Variants in PEBP4 observed in about 807,000 individuals in gnomAD.
The protein encoded by PEBP4 is phosphatidylethanolamine-binding protein 4.
PEBP4 carries 22 observed loss-of-function variants against 23.9 expected under a neutral mutation model. That is an observed-to-expected ratio of 0.92 (90% CI 0.66 to 1.31). The LOEUF (loss-of-function observed/expected upper bound fraction) is 1.31, where lower values mean the gene tolerates loss of function less well. PEBP4 is among the 40% of genes most tolerant of loss of function. The pLI is 0.00. For missense variants in PEBP4, 324 were observed against 281.7 expected, an observed-to-expected ratio of 1.15 and a Z score of -1.07; for synonymous variants, 112 against 99.3, an observed-to-expected ratio of 1.13 and a Z score of -0.76.
At chr8:22,920,390 T>TTGGGAATGTAAG (rs1365497214) in intron 2 of PEBP4, 80 bp from the exon 3 acceptor site, 1 of 1,453,570 alleles carries the variant, frequency 6.9e-7, no homozygotes, top group East Asian at 2.3e-5. Flanking sequence ...TCTAGCACTA[T>TTGGGAATGTAAG]TGGGAATGTA....
intron 4 of PEBP4, among the ~76,000 whole-genome samples, chr8:22,803,271 G>A (rs907739957): frequency 2.6e-5 from 4 of 152,156 alleles, no homozygotes; most frequent in East Asian, 3.9e-4. Context: ...AGACACAGCA[G>A]CCCTTTGGCT....
chr8:22,735,343 A>T (rs979067892), intron 4 of PEBP4, among the ~76,000 whole-genome samples: 1 of 152,186 alleles, frequency 6.6e-6, no homozygotes, highest in South Asian at 2.1e-4. Flanking sequence ...GCCTTGAAGG[A>T]TATATAGGAG....
At chr8:22,804,437 C>T (rs1469260004) in intron 4 of PEBP4, among the ~76,000 whole-genome samples, 2 of 152,168 alleles carry the variant, frequency 1.3e-5, no homozygotes, top group Admixed American at 6.5e-5. Flanking sequence ...CGGACATTGG[C>T]GGTTCTCAAC....
chr8:22,860,692 G>T (rs778317998), intron 3 of PEBP4, among the ~76,000 whole-genome samples: 4 of 152,174 alleles, frequency 2.6e-5, no homozygotes, highest in Non-Finnish European at 5.9e-5. Flanking sequence ...TACGTACTCC[G>T]TGGAGCTTTC....
At chr8:22,871,250 A>G (rs1808001036) in intron 3 of PEBP4, among the ~76,000 whole-genome samples, 1 of 152,182 alleles carries the variant, frequency 6.6e-6, no homozygotes, top group Non-Finnish European at 1.5e-5. Flanking sequence ...CTCTGACAGC[A>G]GTTCTGTCCT....
chr8:22,881,374 A>G (rs1808255144), intron 3 of PEBP4, among the ~76,000 whole-genome samples: 1 of 152,166 alleles, frequency 6.6e-6, no homozygotes, highest in African/African-American at 2.4e-5. Context: ...ACAGACCTGG[A>G]TGCAGACAGG....
intron 3 of PEBP4, among the ~76,000 whole-genome samples, chr8:22,825,243 A>C (rs1051238573): frequency 6.6e-6 from 1 of 152,218 alleles, no homozygotes; most frequent in Non-Finnish European, 1.5e-5. Flanking sequence ...AGGCTCCTTG[A>C]AGTTGGGCCC....
At chr8:22,935,428 A>G (rs1354280904) in intron 1 of PEBP4, among the ~76,000 whole-genome samples, 2 of 152,222 alleles carry the variant, frequency 1.3e-5, no homozygotes, top group African/African-American at 4.8e-5. Flanking sequence ...TGGGAGGCTG[A>G]GGCAGGAGAA....
chr8:22,762,984 C>G (rs1188051363), intron 4 of PEBP4, among the ~76,000 whole-genome samples: 1 of 152,058 alleles, frequency 6.6e-6, no homozygotes, highest in Non-Finnish European at 1.5e-5. Flanking sequence ...ATGACAGCAG[C>G]ATCTTTTCTG....
chr8:22,767,360 G>T (rs1805630641), intron 4 of PEBP4, among the ~76,000 whole-genome samples: 1 of 152,168 alleles, frequency 6.6e-6, no homozygotes, highest in South Asian at 2.1e-4. Context: ...TGTGGTTTTT[G>T]AATAATCCCC....
chr8:22,788,243 C>T (rs1160648443), intron 4 of PEBP4, among the ~76,000 whole-genome samples: 3 of 151,972 alleles, frequency 2.0e-5, no homozygotes, highest in African/African-American at 4.8e-5. Context: ...GAGAGGGCTT[C>T]TAACTATCAC....
At chr8:22,928,121 C>T (rs1809392060), upstream of PEBP4, among the ~76,000 whole-genome samples, 1 of 152,262 alleles carries the variant, frequency 6.6e-6, no homozygotes, top group Non-Finnish European at 1.5e-5. Context: ...GGCCAGCCTG[C>T]TCCTTGGCTG....
intron 3 of PEBP4, among the ~76,000 whole-genome samples, chr8:22,898,219 C>G (rs1217841748): frequency 6.6e-6 from 1 of 151,714 alleles, no homozygotes; most frequent in African/African-American, 2.4e-5. Flanking sequence ...TGGTGAAACC[C>G]TGTCTCAACC....
At chr8:22,825,730 T>C (rs1041669454) in intron 3 of PEBP4, among the ~76,000 whole-genome samples, 6 of 152,164 alleles carry the variant, frequency 3.9e-5, no homozygotes, top group African/African-American at 9.7e-5. Context: ...CTTTGGGGGA[T>C]AGAAATCCAG....
chr8:22,727,432 G>T (rs551711082), intron 4 of PEBP4, among the ~76,000 whole-genome samples: 2 of 152,188 alleles, frequency 1.3e-5, no homozygotes, highest in South Asian at 4.1e-4. Context: ...TTTTGGAATG[G>T]GTACCTCAGG....
rs1807856587 is a variant in PEBP4 at position 22,865,006 on chromosome 8, G to T, written c.259-47271C>A. Among the ~76,000 whole-genome samples, 1 of 152,200 alleles carries T rather than the reference G, an allele frequency of 6.6e-6. No homozygotes were observed. The highest frequency in any genetic ancestry group is 1.5e-5 in the Non-Finnish European group (1 of 68,040). On this transcript the variant is annotated intron_variant, in intron 3 of 6. Coordinates refer to ENST00000256404, the MANE Select transcript of PEBP4 (RefSeq NM_144962.3). The surrounding 1 kb of genome is among the most constrained non-coding windows in gnomAD (Gnocchi z 6.9). ...GCGGGGCGGGCAGCACGAGGGGGCA[G>T]GTGTGACCGTGAGAGAGGGAGGCAG...
intron 4 of PEBP4, among the ~76,000 whole-genome samples, chr8:22,730,402 A>G (rs529001922): frequency 6.6e-6 from 1 of 152,354 alleles, no homozygotes; most frequent in South Asian, 2.1e-4. Context: ...TTATCTGGGC[A>G]TGATGGCCCA....
At chr8:22,870,511 A>G (rs994719091) in intron 3 of PEBP4, among the ~76,000 whole-genome samples, 1 of 152,180 alleles carries the variant, frequency 6.6e-6, no homozygotes, top group African/African-American at 2.4e-5. Context: ...AATTGTGGAG[A>G]CTTGTCATTA....
chr8:22,847,701 C>T (rs1434629023), intron 3 of PEBP4, among the ~76,000 whole-genome samples: 1 of 152,162 alleles, frequency 6.6e-6, no homozygotes, highest in African/African-American at 2.4e-5. Flanking sequence ...GTCCCCTTCC[C>T]TACAAAGATG....
Sources: allele counts gnomAD v4.1 joint callset (sites outside exome capture counted in the v4.1 genomes callset), GRCh38; gene constraint gnomAD v4.1.1; non-coding constraint Gnocchi (gnomAD v3.1); transcripts MANE v1.5; gene names NCBI Gene and HGNC (gene_info 2026-07-23, HGNC 2026-07-21).